Variants in ZNF43 observed in about 807,000 individuals in gnomAD.
ZNF43 encodes the protein zinc finger protein 43, also known as zinc finger protein 39-like 1 (KOX 27).
ZNF43 carries 44 observed loss-of-function variants against 68.4 expected under a neutral mutation model. The observed-to-expected ratio is 0.64, with a 90% confidence interval of 0.51 to 0.83. ZNF43 has a LOEUF of 0.83. Among genes scored for constraint, ZNF43 ranks in the 40% least tolerant of loss-of-function variants. The pLI, the probability that ZNF43 is intolerant of heterozygous loss-of-function variation, is 0.00. For synonymous variants in ZNF43, 308 were observed against 307.8 expected, an observed-to-expected ratio of 1.00 and a Z score of -0.01; for missense variants, 896 against 933.2, an observed-to-expected ratio of 0.96 and a Z score of 0.52.
rs2145183889 is a variant in ZNF43, at chr19:21,812,811, C to T, written c.230-3004G>A. Among the ~76,000 whole-genome samples the T allele has an allele frequency of 2.0e-5, 3 of 151,962 alleles. No homozygotes were observed. In the South Asian group the frequency reaches 6.2e-4, roughly 32 times the overall value. On this transcript the variant is annotated intron_variant, in intron 3 of 3. Transcript: ENST00000354959. ...ACTAAAAACACAAAAATTAGCCGGGCATAGTGGTGGGTGCCTGTAATCTCG... is the reference window on the plus strand; with the variant it reads ...ACTAAAAACACAAAAATTAGCCGGGTATAGTGGTGGGTGCCTGTAATCTCG...
At chr19:21,845,256 G>T (rs1249056205) in intron 1 of ZNF43, 1 of 152,110 alleles carries the variant, frequency 6.6e-6, no homozygotes, top group Non-Finnish European at 1.5e-5. Context: ...TTTTTGGGGG[G>T]CATGGTGCAT....
At chr19:21,821,084 C>T (rs2037817137) in intron 1 of ZNF43, among the ~76,000 whole-genome samples, 1 of 151,352 alleles carries the variant, frequency 6.6e-6, no homozygotes, top group Admixed American at 6.6e-5. Flanking sequence ...ATCCACCCAC[C>T]TCGGCCTCTC....
At chr19:21,828,360 A>G (rs142429070) in intron 1 of ZNF43, among the ~76,000 whole-genome samples, 2 of 152,262 alleles carry the variant, frequency 1.3e-5, no homozygotes, top group Admixed American at 6.5e-5. Context: ...CGGGCATACC[A>G]CAAGGTCAGG....
rs532992688 is a variant in ZNF43 at position 21,826,971 on chromosome 19, A to T, written c.4-7750T>A. On this transcript the variant is annotated intron_variant, in intron 1 of 3. Transcript: ENST00000354959. ...CAGACACCCAAAGCATTAGAAAGAA[A>T]AACAGCTCTCCATTTGAGTAACACT... 3 of 153,134 alleles carry T rather than the reference A, an allele frequency of 2.0e-5. No homozygotes were observed. The Admixed American group carries it at 2.0e-4, about 10-fold the overall frequency. 9.5% of individuals were successfully genotyped at this position (153,134 alleles called of 1,614,324 possible).
chr19:21,821,840 T>A (rs1439358178), intron 1 of ZNF43, among the ~76,000 whole-genome samples: 1 of 152,030 alleles, frequency 6.6e-6, no homozygotes, highest in African/African-American at 2.4e-5. Flanking sequence ...AAAGTACAGG[T>A]TTACAAGTAC....
chr19:21,830,289 A>C (rs113628257), intron 1 of ZNF43, among the ~76,000 whole-genome samples: 2 of 151,188 alleles, frequency 1.3e-5, no homozygotes, highest in Admixed American at 6.6e-5. Context: ...GAAAAAAAAA[A>C]ACAAAACAAA....
At chr19:21,822,718 T>C (rs1264495431) in intron 1 of ZNF43, among the ~76,000 whole-genome samples, 7 of 151,400 alleles carry the variant, frequency 4.6e-5, no homozygotes, top group Admixed American at 2.6e-4. Context: ...GGGGGGAGAA[T>C]GACGTGAACC....
intron 3 of ZNF43, 41 bp downstream of exon 3, chr19:21,817,847 T>C (rs373704511): frequency 6.3e-6 from 10 of 1,577,014 alleles, no homozygotes; most frequent in Non-Finnish European, 8.7e-6. Flanking sequence ...CCTTTGGACT[T>C]CTCATCTGTG....
chr19:21,851,857 T>C (rs1440518022), intron 1 of ZNF43: 3 of 1,541,470 alleles, frequency 1.9e-6, no homozygotes, highest in Non-Finnish European at 2.6e-6. Flanking sequence ...TCCCGCCACT[T>C]TCACAGCCTG....
At chr19:21,824,732 T>TAAAAAAAAAAAAAAAAA (rs34739856) in intron 1 of ZNF43, among the ~76,000 whole-genome samples, 1 of 107,244 alleles carries the variant, frequency 9.3e-6, no homozygotes, top group Non-Finnish European at 2.0e-5. Context: ...TATGTTTACC[T>TAAAAAAAAAAAAAAAAA]AAAAAAAAAA....
intron 1 of ZNF43, among the ~76,000 whole-genome samples, chr19:21,833,393 A>C (rs1252479279): frequency 6.6e-6 from 1 of 151,852 alleles, no homozygotes; most frequent in Non-Finnish European, 1.5e-5. Flanking sequence ...CTGCCTCCCG[A>C]AGTAGCTGGG....
In ZNF43 at chr19:21,809,311, G is replaced by A; in HGVS notation, c.726C>T (p.Ser242=). The A allele has an allele frequency of 6.2e-7, 1 of 1,613,312 alleles. No homozygotes were observed. The highest frequency in any genetic ancestry group is 8.5e-7 in the Non-Finnish European group (1 of 1,179,812). Reference sequence around the variant, plus strand: ...TTTTTTTATGTGTAGTAAGGCGTGAGGACCAATTAAAGACTTTGCCACATT... The same window carrying A: ...TTTTTTTATGTGTAGTAAGGCGTGAAGACCAATTAAAGACTTTGCCACATT... ...CEECGKVFNW[S]SRLTTHKKNY... Residue 242 remains serine (S), a synonymous_variant, in exon 4 of 4, where the codon TCC becomes TCT. Transcript: ENST00000354959.
chr19:21,808,295 A>T lies in ZNF43; in HGVS notation c.1742T>A (p.Leu581His), dbSNP rs763846945. 2.5e-6 allele frequency: 4 copies of T among 1,613,384 alleles called. No individual in the cohort carries two copies. The East Asian group carries it at 8.9e-5, about 36-fold the overall frequency. ...AGTATGAATTTTCTTATGTGTAGTA[A>T]GGTTTGAGGATTGGGTAAAAGCTTT... ...CGKAFTQSSN[L>H]TTHKKIHTGE... Residue 581 changes from leucine to histidine, a missense_variant, in exon 4 of 4, where the codon CTT (leucine) becomes CAT (histidine). Coordinates refer to ENST00000354959, the MANE Select transcript of ZNF43 (RefSeq NM_003423.4).
At chr19:21,844,921 A>AAAAAAAAAAAATAT (rs1310761266) in intron 1 of ZNF43, among the ~76,000 whole-genome samples, 6 of 26,050 alleles carry the variant, frequency 2.3e-4, no homozygotes, top group African/African-American at 8.7e-4. Context: ...AAAAAAAAAA[A>AAAAAAAAAAAATAT]ATATATATAT....
At chr19:21,828,203 G>A (rs765601994) in intron 1 of ZNF43, among the ~76,000 whole-genome samples, 6 of 152,166 alleles carry the variant, frequency 3.9e-5, no homozygotes, top group Non-Finnish European at 8.8e-5. Context: ...TAGTCATAAT[G>A]TATGTAGTAT....
rs771710969 is a variant in ZNF43 at position 21,808,678 on chromosome 19, G to C, written c.1359C>G (p.Pro453=). ...KHNRIHTGEK[P]YKCEVCGKAF... ...CTTTGCCACATACTTCACATTTGTA[G>C]GGTTTCTCTCCAGTATGAATTCTGT... is the stretch of plus-strand genomic sequence containing the variant. The change falls in exon 4 of 4, where the codon CCC becomes CCG. Residue 453 remains proline, a synonymous_variant. Transcript: ENST00000354959. 6.2e-7 allele frequency: 1 copy of C among 1,613,244 alleles called. No individual in the cohort carries two copies.
chr19:21,812,048 C>A (rs973890097), intron 3 of ZNF43: 4 of 398,328 alleles, frequency 1.0e-5, no homozygotes, highest in African/African-American at 4.1e-5. Flanking sequence ...AATAGAGAGA[C>A]AATGCCTCCT....
At chr19:21,822,842 A>T (rs1481990300) in intron 1 of ZNF43, among the ~76,000 whole-genome samples, 1 of 151,936 alleles carries the variant, frequency 6.6e-6, no homozygotes, top group African/African-American at 2.4e-5. Context: ...TCCCTATGCC[A>T]CTGGGTTATT....
chr19:21,849,434 G>A (rs1968179868), intron 1 of ZNF43, among the ~76,000 whole-genome samples: 1 of 135,836 alleles, frequency 7.4e-6, no homozygotes, highest in South Asian at 2.3e-4. Flanking sequence ...GTTGCAGTGA[G>A]CCAAGATCTC....
Sources: allele counts gnomAD v4.1 joint callset (sites outside exome capture counted in the v4.1 genomes callset), GRCh38; gene constraint gnomAD v4.1.1; transcripts MANE v1.5; gene names NCBI Gene and HGNC (gene_info 2026-07-23, HGNC 2026-07-21).